The following STON1 variants were observed in gnomAD, a reference collection of about 807,000 sequenced individuals.
STON1 encodes stonin 1, also known as stonin-1.
A neutral mutation model predicts 60.9 loss-of-function variants in STON1; 79 were observed. That is an observed-to-expected ratio of 1.30 (90% CI 1.08 to 1.56). STON1 has a LOEUF of 1.56. STON1 is among the 40% of genes most tolerant of loss of function. The pLI, the probability that STON1 is intolerant of heterozygous loss-of-function variation, is 0.00. For synonymous variants in STON1, 363 were observed against 306.9 expected, an observed-to-expected ratio of 1.18 and a Z score of -1.91; for missense variants, 1,166 against 858.9, an observed-to-expected ratio of 1.36 and a Z score of -4.47.
At chr2:48,585,875 A>G (rs1053303648) in intron 2 of STON1, among the ~76,000 whole-genome samples, 2 of 152,246 alleles carry the variant, frequency 1.3e-5, no homozygotes, top group African/African-American at 4.8e-5. Flanking sequence ...CTCGAGGACT[A>G]GAACAAAAGG....
At chr2:48,548,514 T>C (rs1193559094) in intron 1 of STON1, among the ~76,000 whole-genome samples, 1 of 152,112 alleles carries the variant, frequency 6.6e-6, no homozygotes, top group Non-Finnish European at 1.5e-5. Context: ...TTCTTTTTTT[T>C]CTTGAGACAG....
intron 2 of STON1, 121 bp from the exon 3 acceptor site, chr2:48,591,532 T>A (rs1674511810): frequency 2.3e-6 from 3 of 1,327,252 alleles, no homozygotes; most frequent in African/African-American, 1.5e-5. Flanking sequence ...AAATGGAATT[T>A]GCACTGCTGC....
rs916137257 is a variant in STON1 at position 48,596,262 on chromosome 2, T to C, written c.*960T>C. The C allele has an allele frequency of 6.6e-6, 1 of 152,226 alleles. No individual in the cohort carries two copies. Among genetic ancestry groups the C allele is most frequent in the African/African-American group, 2.4e-5 (1 of 41,466 alleles). The allele number at this position is 152,226 out of a possible 1,614,324, so 9.4% of individuals were successfully genotyped here. A position where few individuals can be genotyped will look rare whatever the true frequency, so the allele number is the denominator to read the frequency against. Reference sequence around the variant, plus strand: ...TGTTTTATGCTAATTCTGCTTATTTTAGAGTATTTTTCATTAAAAGGTGAG... The same window carrying C: ...TGTTTTATGCTAATTCTGCTTATTTCAGAGTATTTTTCATTAAAAGGTGAG... On this transcript the variant is annotated 3_prime_UTR_variant, in exon 4 of 4. Transcript: ENST00000404752.
At chr2:48,588,693 C>CT (rs936877668) in intron 2 of STON1, among the ~76,000 whole-genome samples, 3 of 152,022 alleles carry the variant, frequency 2.0e-5, no homozygotes, top group Non-Finnish European at 2.9e-5. Context: ...AATTATAAAA[C>CT]TTTTTTTTAA....
At chr2:48,541,521 T>TAAAAA (rs1276920612) in intron 1 of STON1, among the ~76,000 whole-genome samples, 2 of 92,376 alleles carry the variant, frequency 2.2e-5, no homozygotes, top group South Asian at 7.1e-4. Context: ...CCATCTCTAC[T>TAAAAA]AAAAAAAAAA....
intron 3 of STON1, 115 bp downstream of exon 3, chr2:48,591,970 C>T (rs1390173378): frequency 2.2e-6 from 3 of 1,385,118 alleles, no homozygotes; most frequent in East Asian, 5.1e-5. Flanking sequence ...TGAGATTTGC[C>T]CTAGAGAGGA....
intron 1 of STON1, among the ~76,000 whole-genome samples, chr2:48,564,597 C>T (rs1366214237): frequency 4.2e-5 from 3 of 71,538 alleles, no homozygotes; most frequent in Admixed American, 1.4e-4. Flanking sequence ...CCTCCTCCTC[C>T]TCCTCCTTCT....
chr2:48,530,918 TC>T (rs1352769580), intron 1 of STON1: 1 of 152,230 alleles, frequency 6.6e-6, no homozygotes, highest in Non-Finnish European at 1.5e-5. Context: ...AATATATTCC[TC>T]CTTAGGATTG....
intron 2 of STON1, among the ~76,000 whole-genome samples, chr2:48,586,084 G>A (rs992870525): frequency 3.9e-5 from 6 of 152,344 alleles, no homozygotes; most frequent in Middle Eastern, 6.8e-3. Context: ...GCTAAAGCCT[G>A]GCCAGGGTAA....
rs377163276 is a variant in STON1, at chr2:48,580,666, C to G, written c.33C>G (p.Thr11=). Residue 11 remains threonine (T), a synonymous_variant, in exon 2 of 4, where the codon ACC becomes ACG. Transcript: ENST00000404752. ...CCACAAATCCAGGCAAATGGGTCAC[C>G]TTTGATGATGATCCTGCTGTTCAAT... MCSTNPGKWV[T]FDDDPAVQSS... is the part of the protein sequence containing the mutation. The G allele has an allele frequency of 7.1e-7, 1 of 1,405,898 alleles. No individual in the cohort carries two copies. The highest frequency in any genetic ancestry group is 1.5e-5 in the African/African-American group (1 of 68,084). The allele number at this position is 1,405,898 out of a possible 1,614,324, so 87.1% of individuals were successfully genotyped here.
intron 1 of STON1, among the ~76,000 whole-genome samples, chr2:48,548,518 G>A (rs1169338345): frequency 7.6e-6 from 1 of 131,446 alleles, no homozygotes; most frequent in Non-Finnish European, 1.6e-5. Flanking sequence ...TTTTTTTCTT[G>A]AGACAGGTCT....
At position 48,555,287 on chromosome 2, in the gene STON1, C is replaced by T. The variant is rs1456361647; in HGVS notation, c.-48+25071C>T. ...GTGGCTGGGCAGAGGCGCCCCTCAC[C>T]TCCCGGACGGGGCGGCTGGCCGGGC... On this transcript the variant is annotated intron_variant, in intron 1 of 3. Transcript: ENST00000404752. Among the ~76,000 whole-genome samples, 6 of 96,398 alleles carry T rather than the reference C, an allele frequency of 6.2e-5. 1 individual carries two copies. The highest frequency in any genetic ancestry group is 2.3e-4 in the African/African-American group (6 of 25,720). The allele number at this position is 96,398 out of a possible 152,430, so 63.2% of individuals were successfully genotyped here.
chr2:48,594,583 G>C (rs906171537), intron 3 of STON1, among the ~76,000 whole-genome samples: 3 of 151,836 alleles, frequency 2.0e-5, no homozygotes, highest in Non-Finnish European at 4.4e-5. Context: ...AAATAAATAT[G>C]ATTTCAACTA....
chr2:48,551,249 G>A (rs981807125), intron 1 of STON1, among the ~76,000 whole-genome samples: 1 of 152,180 alleles, frequency 6.6e-6, no homozygotes, highest in Non-Finnish European at 1.5e-5. Context: ...CTATAGATGG[G>A]TGTTTCCTGG....
chr2:48,572,252 G>A (rs1485514572), intron 1 of STON1, among the ~76,000 whole-genome samples: 2 of 152,128 alleles, frequency 1.3e-5, no homozygotes, highest in Non-Finnish European at 1.5e-5. Flanking sequence ...GCCTCCCCTC[G>A]ACAATGGGGA....
At chr2:48,571,470 A>T (rs972242649) in intron 1 of STON1, among the ~76,000 whole-genome samples, 2 of 152,176 alleles carry the variant, frequency 1.3e-5, no homozygotes, top group East Asian at 3.8e-4. Context: ...TCTGGGAGGA[A>T]CAGGTACATA....
At chr2:48,595,106 G>C in intron 3 of STON1, 122 bp from the exon 4 acceptor site, 1 of 760,828 alleles carries the variant, frequency 1.3e-6, no homozygotes, top group Non-Finnish European at 2.3e-6. Flanking sequence ...GTAGAGGGCT[G>C]TGTCTGTGTC....
intron 1 of STON1, among the ~76,000 whole-genome samples, chr2:48,536,095 A>T (rs576762016): frequency 6.6e-6 from 1 of 151,952 alleles, no homozygotes; most frequent in East Asian, 1.9e-4. Context: ...TCAAAAAATA[A>T]ATCAAAAAAC....
At chr2:48,564,479 CTTT>C (rs1558604739) in intron 1 of STON1, among the ~76,000 whole-genome samples, 11 of 25,198 alleles carry the variant, frequency 4.4e-4, no homozygotes, top group East Asian at 1.3e-3. Context: ...TCTTCTTCTT[CTTT>C]CTTCTTCTTC....
Sources: allele counts gnomAD v4.1 joint callset (sites outside exome capture counted in the v4.1 genomes callset), GRCh38; gene constraint gnomAD v4.1.1; transcripts MANE v1.5; gene names NCBI Gene and HGNC (gene_info 2026-07-23, HGNC 2026-07-21).